The following RHBDF2 variants were observed in gnomAD, a reference collection of about 807,000 sequenced individuals.
RHBDF2 encodes rhomboid 5 homolog 2, also known as inactive rhomboid protein 2.
A neutral mutation model predicts 95.2 loss-of-function variants in RHBDF2; 38 were observed. That is an observed-to-expected ratio of 0.40 (90% CI 0.31 to 0.52). RHBDF2 has a LOEUF of 0.52. Among genes scored for constraint, RHBDF2 ranks in the 20% least tolerant of loss-of-function variants. The pLI is 0.56. For missense variants in RHBDF2, 863 were observed against 1,137.7 expected, an observed-to-expected ratio of 0.76 and a Z score of 3.47; for synonymous variants, 442 against 462.0, an observed-to-expected ratio of 0.96 and a Z score of 0.55.
intron 2 of RHBDF2, among the ~76,000 whole-genome samples, chr17:76,484,469 GTCC>G (rs1334188127): frequency 6.6e-6 from 1 of 151,762 alleles, no homozygotes; most frequent in Non-Finnish European, 1.5e-5. Flanking sequence ...ATCTGAACCT[GTCC>G]TCCTCCTCCA....
Position 76,481,519 on chromosome 17 carries a change from G to T in RHBDF2, c.6C>A (p.Ala2=). 1.9e-6 allele frequency: 3 copies of T among 1,608,966 alleles called. No homozygotes were observed. The highest frequency in any genetic ancestry group is 2.5e-6 in the Non-Finnish European group (3 of 1,179,646). Residue 2 remains alanine, a synonymous_variant, in exon 3 of 19, where the codon GCC becomes GCA. Coordinates refer to ENST00000675367, the MANE Select transcript of RHBDF2 (RefSeq NM_001005498.4). The part of the protein sequence containing the change: M[A]SADKNGGSVS... ...CGCTCCCGCCATTCTTGTCAGCAGA[G>T]GCCATTGTGGGCAGGAGGCGGGAGG...
intron 1 of RHBDF2, among the ~76,000 whole-genome samples, chr17:76,498,789 A>AGAGT (rs1206209503): frequency 5.6e-5 from 8 of 143,662 alleles, no homozygotes; most frequent in Admixed American, 7.0e-5. Flanking sequence ...AGAGAAAGAG[A>AGAGT]GTGTGTGTGT....
Position 76,471,764 on chromosome 17 carries a change from C to T in RHBDF2, c.2353G>A (p.Gly785Ser), listed in dbSNP as rs751181902. Residue 785 changes from glycine (G) to serine (S), a missense_variant, in exon 19 of 19, where the codon GGC becomes AGC. Coordinates refer to ENST00000675367, the MANE Select transcript of RHBDF2 (RefSeq NM_001005498.4). ...LILVSLLAFA[G>S]LFAALVLWLY... ...CACAGCACGAGGGCGGCGAAGAGGC[C>T]GGCAAAGGCCAGCAGTGACACCAGG... 6 of 1,609,806 alleles carry T rather than the reference C, an allele frequency of 3.7e-6. No homozygotes were observed. The highest frequency in any genetic ancestry group is 1.3e-5 in the African/African-American group (1 of 75,000).
intron 15 of RHBDF2, 105 bp from the exon 16 acceptor site, chr17:76,473,432 A>T: frequency 8.9e-7 from 1 of 1,121,512 alleles, no homozygotes; most frequent in Non-Finnish European, 1.3e-6. Context: ...GCTGGCAGGA[A>T]GGGGGATGCC....
In RHBDF2 at chr17:76,471,348, G is replaced by T. The variant is rs2073551154; in HGVS notation, c.*285C>A. 2.1e-5 allele frequency: 9 copies of T among 435,236 alleles called. No individual in the cohort carries two copies. The highest frequency in any genetic ancestry group is 2.0e-4 in the Admixed American group (5 of 24,426). 27.0% of individuals were successfully genotyped at this position (435,236 alleles called of 1,614,324 possible). The stretch of plus-strand genomic sequence containing the variant: ...CCCCAGGAGATGGTCTCAGCAAGGA[G>T]CGGGATATTAGGAACTGAGACCCAA... On this transcript the variant is annotated 3_prime_UTR_variant, in exon 19 of 19. Transcript: ENST00000675367.
intron 1 of RHBDF2, among the ~76,000 whole-genome samples, chr17:76,497,262 G>A (rs1327638480): frequency 2.6e-5 from 4 of 152,054 alleles, no homozygotes; most frequent in South Asian, 2.1e-4. Flanking sequence ...AGGAACCTAC[G>A]CCAGGGAAAG....
chr17:76,472,193 G>A, intron 18 of RHBDF2, 141 bp from the exon 19 acceptor site: 1 of 784,444 alleles, frequency 1.3e-6, no homozygotes, highest in Non-Finnish European at 2.0e-6. Flanking sequence ...GGGTCGGCTG[G>A]AGCTGCTGGA....
At chr17:76,479,973 C>T (rs1347960199) in intron 3 of RHBDF2, 119 bp from the exon 4 acceptor site, 3 of 1,408,998 alleles carry the variant, frequency 2.1e-6, no homozygotes, top group Non-Finnish European at 9.5e-7. Context: ...GATTTATGCC[C>T]CAATTTGCTT....
At chr17:76,475,587 CTT>C (rs1052462865) in intron 9 of RHBDF2, among the ~76,000 whole-genome samples, 5 of 145,020 alleles carry the variant, frequency 3.4e-5, no homozygotes, top group African/African-American at 2.5e-5. Context: ...CTTTTCTTTT[CTT>C]TTTTTTTTTT....
Position 76,474,387 on chromosome 17 carries a change from G to A in RHBDF2, c.1450C>T (p.Arg484Trp), listed in dbSNP as rs771107433. Residue 484 changes from arginine (R) to tryptophan (W), a missense_variant, in exon 12 of 19, where the codon CGG becomes TGG. Coordinates refer to ENST00000675367, the MANE Select transcript of RHBDF2 (RefSeq NM_001005498.4). Reference protein sequence around the residue: ...NDHSGCIQTQRKDCSETLATF... With the variant: ...NDHSGCIQTQWKDCSETLATF... ...CCTGCCCCCACCGAGCAGTCCTTCC[G>A]CTGGGTCTGGATGCATCCGGAGTGG... is the stretch of plus-strand genomic sequence containing the variant. 25 of 1,613,016 alleles carry A rather than the reference G, an allele frequency of 1.5e-5. No individual in the cohort carries two copies. The highest frequency in any genetic ancestry group is 2.2e-5 in the East Asian group (1 of 44,882).
intron 6 of RHBDF2, among the ~76,000 whole-genome samples, chr17:76,478,069 G>C (rs1438448316): frequency 6.6e-6 from 1 of 152,094 alleles, no homozygotes; most frequent in African/African-American, 2.4e-5. Context: ...TGGGCTGCTG[G>C]TACCCTAACA....
At chr17:76,500,494 C>T (rs2074551466) in intron 1 of RHBDF2, among the ~76,000 whole-genome samples, 1 of 152,168 alleles carries the variant, frequency 6.6e-6, no homozygotes, top group African/African-American at 2.4e-5. Context: ...GGGCCTGATG[C>T]CAGCCGCCCA....
chr17:76,481,231 G>A (rs1430166942), intron 3 of RHBDF2, 144 bp downstream of exon 3: 7 of 903,526 alleles, frequency 7.7e-6, no homozygotes, highest in South Asian at 7.1e-5. Context: ...GAAGGAGGGG[G>A]TAGGGCCCGA....
chr17:76,485,046 C>T (rs71384108), intron 2 of RHBDF2, among the ~76,000 whole-genome samples: 15,900 of 152,040 alleles, frequency 0.1, 980 homozygotes, highest in South Asian at 0.23. Flanking sequence ...CTGAGGTGGG[C>T]GGATCACCTA....
At chr17:76,478,557 A>G (rs2073845400) in intron 6 of RHBDF2, among the ~76,000 whole-genome samples, 2 of 152,194 alleles carry the variant, frequency 1.3e-5, no homozygotes, top group Admixed American at 6.5e-5. Context: ...CCAGCTTAAG[A>G]GTCAGTGCAG....
chr17:76,479,024 G>A lies in RHBDF2; in HGVS notation c.469-15C>T. On this transcript the variant is annotated splice_polypyrimidine_tract_variant and intron_variant, in intron 5 of 18. Transcript: ENST00000675367. The stretch of plus-strand genomic sequence containing the variant: ...GGATCCACAATCTGGAAGGGAGGGG[G>A]GCGGTAAGCAGAGCCATTAGGGTCC... 1 of 1,607,716 alleles carries A rather than the reference G, an allele frequency of 6.2e-7. No individual in the cohort carries two copies. The highest frequency in any genetic ancestry group is 8.5e-7 in the Non-Finnish European group (1 of 1,176,234).
chr17:76,480,725 C>G (rs2073939720), intron 3 of RHBDF2, among the ~76,000 whole-genome samples: 1 of 152,194 alleles, frequency 6.6e-6, no homozygotes, highest in African/African-American at 2.4e-5. Flanking sequence ...TAACTTTTCT[C>G]CGTCAAGGCC....
chr17:76,498,557 T>C (rs951469328), intron 1 of RHBDF2, among the ~76,000 whole-genome samples: 2 of 146,060 alleles, frequency 1.4e-5, no homozygotes, highest in Non-Finnish European at 3.1e-5. Flanking sequence ...GCACAGCTCC[T>C]TGACTTCTGC....
At chr17:76,476,433 A>C (rs1237883840) in intron 9 of RHBDF2, 1 of 182,242 alleles carries the variant, frequency 5.5e-6, no homozygotes, top group Admixed American at 5.7e-5. Context: ...TGCTATAATT[A>C]CAAGTGTGAG....
Sources: gnomAD v4.1 joint callset for allele counts (sites outside exome capture counted in the v4.1 genomes callset) on GRCh38, gnomAD v4.1.1 for gene constraint, MANE v1.5 for transcripts, NCBI Gene and HGNC (gene_info 2026-07-23, HGNC 2026-07-21) for gene names.